Variants in CLXN observed in about 807,000 individuals in gnomAD.
CLXN encodes the protein EF-hand calcium binding domain 1.
the CLXN span, among the ~76,000 whole-genome samples, chr8:48,712,846 A>T: frequency 6.6e-5 from 10 of 152,032 alleles, no homozygotes; most frequent in Non-Finnish European, 1.5e-5. Context: ...TAAAAGTACA[A>T]AAAATTAGCC....
At chr8:48,723,477 ATTTTAC>A in the CLXN span, 1 of 152,200 alleles carries the variant, frequency 6.6e-6, no homozygotes, top group African/African-American at 2.4e-5. Flanking sequence ...ACAATATTCT[ATTTTAC>A]TTAAACTTAA....
the CLXN span, chr8:48,715,159 C>T: frequency 1.3e-5 from 2 of 152,162 alleles, no homozygotes; most frequent in Non-Finnish European, 2.9e-5. Flanking sequence ...GAATATTAAT[C>T]AATATTTTCA....
chr8:48,731,218 A>G, the CLXN span: 1 of 906,914 alleles, frequency 1.1e-6, no homozygotes, highest in Non-Finnish European at 1.5e-6. Flanking sequence ...TCAAAATTAA[A>G]TTTGTATATT....
chr8:48,732,980 G>A, the CLXN span, among the ~76,000 whole-genome samples: 2 of 152,188 alleles, frequency 1.3e-5, no homozygotes, highest in Non-Finnish European at 2.9e-5. Context: ...AATGGGTAGA[G>A]TTTCCACTGG....
chr8:48,731,108 G>C, the CLXN span, among the ~76,000 whole-genome samples: 1 of 151,996 alleles, frequency 6.6e-6, no homozygotes. Context: ...AAATGTTTTA[G>C]GTTTTCTGAT....
the CLXN span, chr8:48,729,725 T>G: frequency 6.2e-7 from 1 of 1,604,468 alleles, no homozygotes; most frequent in Non-Finnish European, 8.5e-7. Context: ...TTTACCATTT[T>G]CTTCAGTGTT....
the CLXN span, among the ~76,000 whole-genome samples, chr8:48,720,967 A>G: frequency 3.9e-5 from 6 of 152,202 alleles, no homozygotes; most frequent in Non-Finnish European, 5.9e-5. Context: ...GGTTCCCCCA[A>G]TAAAGCATCC....
chr8:48,712,990 C>CA, the CLXN span, among the ~76,000 whole-genome samples: 1,783 of 99,318 alleles, frequency 0.018, 41 homozygotes, highest in African/African-American at 0.066. Context: ...ACTCCTCTGT[C>CA]AAAAAAAAAA....
chr8:48,731,292 C>T, the CLXN span: 1 of 1,474,046 alleles, frequency 6.8e-7, no homozygotes. Flanking sequence ...GCACCAAACC[C>T]TTTTTTTTTC....
chr8:48,728,237 G>A, the CLXN span, among the ~76,000 whole-genome samples: 55 of 152,212 alleles, frequency 3.6e-4, no homozygotes, highest in South Asian at 0.011. Context: ...CCAAAACCTC[G>A]TCCAGTGCAG....
chr8:48,735,034 G>C, the CLXN span: 3 of 1,594,550 alleles, frequency 1.9e-6, no homozygotes, highest in Admixed American at 1.7e-5. Flanking sequence ...CCTTAGCACG[G>C]GGTGGGACCC....
the CLXN span, among the ~76,000 whole-genome samples, chr8:48,726,870 A>T: frequency 5.1e-5 from 7 of 136,202 alleles, no homozygotes; most frequent in African/African-American, 8.5e-5. Flanking sequence ...TGCATCTATC[A>T]ATCTATCTAT....
the CLXN span, chr8:48,711,041 C>T: frequency 6.6e-6 from 1 of 152,190 alleles, no homozygotes; most frequent in Admixed American, 6.5e-5. Context: ...TATCTTGTGA[C>T]AGTAAGAGGC....
At chr8:48,735,262 A>T in the CLXN span, 1 of 1,230,234 alleles carries the variant, frequency 8.1e-7, no homozygotes. Context: ...GTGAGGTCTC[A>T]GTTACTGATC....
the CLXN span, among the ~76,000 whole-genome samples, chr8:48,732,991 G>A: frequency 2.0e-5 from 3 of 152,100 alleles, no homozygotes; most frequent in Admixed American, 2.0e-4. Context: ...TTTCCACTGG[G>A]AACAATGAAC....
the CLXN span, among the ~76,000 whole-genome samples, chr8:48,722,206 A>T: frequency 2.0e-5 from 3 of 152,236 alleles, no homozygotes; most frequent in Non-Finnish European, 4.4e-5. Context: ...AAAAGTGATC[A>T]GGTAAATGCA....
chr8:48,715,842 A>G, the CLXN span: 3 of 152,264 alleles, frequency 2.0e-5, no homozygotes, highest in Non-Finnish European at 4.4e-5. Flanking sequence ...TACAAGAAAC[A>G]TATAAAACCA....
At chr8:48,723,425 G>C in the CLXN span, 1 of 152,154 alleles carries the variant, frequency 6.6e-6, no homozygotes, top group Non-Finnish European at 1.5e-5. Context: ...TTATTTCATG[G>C]ATCTGTTTAT....
the CLXN span, chr8:48,729,634 G>A: frequency 7.8e-7 from 1 of 1,285,772 alleles, no homozygotes; most frequent in Admixed American, 2.4e-5. Flanking sequence ...GCAGAGAACT[G>A]AAAATTATAA....
Sources: gnomAD v4.1 joint callset for allele counts (sites outside exome capture counted in the v4.1 genomes callset) on GRCh38, gnomAD v4.1.1 for gene constraint, MANE v1.5 for transcripts, NCBI Gene and HGNC (gene_info 2026-07-23, HGNC 2026-07-21) for gene names.